Variants in MBTPS2 observed in about 807,000 individuals in gnomAD.
MBTPS2 encodes membrane-bound transcription factor site-2 protease.
Under a neutral mutation model 35.4 loss-of-function variants are expected in MBTPS2, and 2 were observed. The observed-to-expected ratio is 0.06, with a 90% CI of 0.02 to 0.18. The LOEUF (loss-of-function observed/expected upper bound fraction) is 0.18. Ranked by LOEUF, MBTPS2 falls within the 10% of genes least tolerant of loss-of-function variation. The probability of loss-of-function intolerance (pLI) is 1.00; values close to 1 mark genes in which losing one functional copy is unlikely to be tolerated. For synonymous variants in MBTPS2, 125 were observed against 140.4 expected (o/e 0.89, Z 0.77); for missense variants, 244 against 386.5 (o/e 0.63, Z 3.09).
intron 4 of MBTPS2, among the ~76,000 whole-genome samples, chrX:21,853,137 T>A (rs1184654775): frequency 2.7e-5 from 3 of 111,302 alleles, no homozygotes; most frequent in Middle Eastern, 4.7e-3. Context: ...TTTGAAGTTA[T>A]GTCTATTTCA....
At chrX:21,852,884 T>TA (rs1188313589) in intron 4 of MBTPS2, among the ~76,000 whole-genome samples, 1 of 110,366 alleles carries the variant, frequency 9.1e-6, no homozygotes, top group Admixed American at 9.7e-5. Context: ...TGTTTAAACA[T>TA]ACTTATTTAA....
intron 5 of MBTPS2, chrX:21,856,310 CTGCAGCTCGCGCCT>C (rs1463632956): frequency 2.7e-5 from 10 of 376,882 alleles, no homozygotes; most frequent in Non-Finnish European, 4.5e-5. Flanking sequence ...GCGCCTTTCT[CTGCAGCTCGCGCCT>C]TTCTCTGCAG....
rs745538305 is a variant in MBTPS2 at position 21,843,225 on chromosome X, G to C, written c.131G>C (p.Ser44Thr). Residue 44 changes from serine to threonine, a missense_variant, in exon 2 of 11, where the codon AGC (serine) becomes ACC (threonine). Transcript: ENST00000379484. ...GACTGGCTGGAAAACAACGGACTGA[G>C]CATCTCCCCTTTCCACATAAGATGG... ...YEDWLENNGL[S>T]ISPFHIRWQT... The C allele has an allele frequency of 9.9e-6, 12 of 1,209,159 alleles. No homozygotes were observed. The highest frequency in any genetic ancestry group is 8.9e-5 in the East Asian group (3 of 33,839).
At chrX:21,854,082 CA>C (rs745548441) in intron 5 of MBTPS2, among the ~76,000 whole-genome samples, 1 of 110,408 alleles carries the variant, frequency 9.1e-6, no homozygotes, top group South Asian at 3.8e-4. Context: ...ACAACAACAA[CA>C]AAAAAAACCT....
At chrX:21,872,696 A>T (rs2092948649) in intron 7 of MBTPS2, 1 of 110,146 alleles carries the variant, frequency 9.1e-6, no homozygotes, top group African/African-American at 3.3e-5. Flanking sequence ...ATCACTTAAA[A>T]TACATACTAT....
At position 21,884,518 on chromosome X, in the gene MBTPS2, T is replaced by C; in HGVS notation, c.*1863T>C. 1 of 753,444 alleles carries C rather than the reference T, an allele frequency of 1.3e-6. No homozygotes were observed. The highest frequency in any genetic ancestry group is 1.6e-6 in the Non-Finnish European group (1 of 638,373). 62.1% of individuals were successfully genotyped at this position (753,444 alleles called of 1,213,427 possible). On this transcript the variant is annotated 3_prime_UTR_variant, in exon 11 of 11. Transcript: ENST00000379484. ...TGAGTAAAAAAACGAAACCCAAATC[T>C]CATTTTATTTCAACTGTTAAACATT...
intron 9 of MBTPS2, among the ~76,000 whole-genome samples, chrX:21,880,240 C>T (rs750984990): frequency 9.9e-5 from 11 of 110,601 alleles, no homozygotes; most frequent in African/African-American, 3.6e-4. Flanking sequence ...CAGCGTGAGG[C>T]ACCGCACCCA....
chrX:21,857,077 C>T (rs1448068235), intron 5 of MBTPS2: 2 of 1,211,686 alleles, frequency 1.7e-6, no homozygotes, highest in Non-Finnish European at 2.2e-6. Flanking sequence ...GACCAAGGGG[C>T]AGTGGGTGAA....
chrX:21,859,184 T>C (rs1015210585), intron 5 of MBTPS2, among the ~76,000 whole-genome samples: 4 of 112,203 alleles, frequency 3.6e-5, no homozygotes, highest in Admixed American at 1.9e-4. Flanking sequence ...TTTTTTAAAT[T>C]GTAAAAAAAT....
chrX:21,872,260 C>A (rs572176896), intron 7 of MBTPS2: 3 of 111,986 alleles, frequency 2.7e-5, no homozygotes, highest in African/African-American at 9.7e-5. Context: ...AAATAAAGTT[C>A]TCTTCAGTAG....
intron 7 of MBTPS2, chrX:21,873,190 G>A (rs905411935): frequency 2.7e-5 from 3 of 111,779 alleles, no homozygotes; most frequent in African/African-American, 9.8e-5. Context: ...CTCTTTGAAG[G>A]TTAAACGGCC....
At chrX:21,853,986 G>A (rs191883428) in intron 5 of MBTPS2, among the ~76,000 whole-genome samples, 4 of 111,164 alleles carry the variant, frequency 3.6e-5, no homozygotes, top group Admixed American at 2.9e-4. Flanking sequence ...ACTGACATAC[G>A]ACAAATCCAT....
At chrX:21,876,999 C>T (rs1247304806) in intron 7 of MBTPS2, among the ~76,000 whole-genome samples, 1 of 111,357 alleles carries the variant, frequency 9.0e-6, no homozygotes, top group Non-Finnish European at 1.9e-5. Flanking sequence ...TGGTCCTTGC[C>T]ACCCATAAAT....
At chrX:21,871,919 A>C (rs745708574) in intron 7 of MBTPS2, 8 of 109,393 alleles carry the variant, frequency 7.3e-5, no homozygotes, top group African/African-American at 2.6e-4. Context: ...TGGCAAAAAC[A>C]CTTCATAAAC....
intron 7 of MBTPS2, among the ~76,000 whole-genome samples, chrX:21,875,607 A>G (rs147096861): frequency 2.7e-5 from 3 of 112,608 alleles, no homozygotes; most frequent in African/African-American, 9.7e-5. Context: ...ATCATTACTG[A>G]TGCAAAGGCA....
intron 5 of MBTPS2, chrX:21,856,120 G>T (rs1045299474): frequency 5.9e-5 from 12 of 202,110 alleles, no homozygotes; most frequent in African/African-American, 3.5e-4. Flanking sequence ...GCCTGCTTAC[G>T]AAAGTGGAAA....
intron 7 of MBTPS2, 63 bp from the exon 8 acceptor site, chrX:21,877,979 C>G: frequency 1.4e-6 from 1 of 738,738 alleles, no homozygotes; most frequent in East Asian, 3.2e-5. Flanking sequence ...GTCTTAAAGG[C>G]ATTTTTTGTT....
At chrX:21,860,091 CAAA>C (rs536679485) in intron 5 of MBTPS2, among the ~76,000 whole-genome samples, 36 of 63,077 alleles carry the variant, frequency 5.7e-4, no homozygotes, top group African/African-American at 1.7e-3. Context: ...GACCTTGTGT[CAAA>C]AAAAAAAAAA....
At chrX:21,853,282 C>A in intron 4 of MBTPS2, 94 bp from the exon 5 acceptor site, 1 of 676,210 alleles carries the variant, frequency 1.5e-6, no homozygotes, top group Non-Finnish European at 2.2e-6. Flanking sequence ...AGCAAGAATT[C>A]AAATTACAGT....
Sources: allele counts gnomAD v4.1 joint callset (sites outside exome capture counted in the v4.1 genomes callset), GRCh38; gene constraint gnomAD v4.1.1; transcripts MANE v1.5; gene names NCBI Gene and HGNC (gene_info 2026-07-23, HGNC 2026-07-21).